The following SLC24A5 variants were observed in gnomAD, a reference collection of about 807,000 sequenced individuals.
SLC24A5 encodes solute carrier family 24 member 5, also known as sodium/potassium/calcium exchanger 5.
In SLC24A5, 46 loss-of-function variants were observed where a neutral mutation model predicts 51.6. The observed-to-expected ratio is 0.89, with a 90% CI of 0.70 to 1.14. The LOEUF is 1.14. Ranked by LOEUF, SLC24A5 falls within the 50% of genes most tolerant of loss-of-function variation. The pLI is 0.00. For synonymous variants in SLC24A5, 230 were observed against 214.9 expected, an observed-to-expected ratio of 1.07 and a Z score of -0.62; for missense variants, 581 against 604.1, an observed-to-expected ratio of 0.96 and a Z score of 0.40.
intron 2 of SLC24A5, among the ~76,000 whole-genome samples, chr15:48,128,340 G>A (rs900174359): frequency 3.9e-5 from 6 of 151,924 alleles, no homozygotes; most frequent in East Asian, 1.9e-4. Flanking sequence ...TGATACCTTC[G>A]AATTATAACA....
chr15:48,141,184 A>G lies in SLC24A5; in HGVS notation c.1150A>G (p.Thr384Ala). ...LLAAGTSIPDTIASVLVARKG... is the reference protein window; with the variant it reads ...LLAAGTSIPDAIASVLVARKG... ...AGCAGCAGGAACAAGCATACCAGAC[A>G]CAATTGCAAGTGTGTTGGTTGCAAG... The change falls in exon 8 of 9, where the codon ACA becomes GCA. Residue 384 changes from threonine to alanine, a missense_variant. By Grantham distance (58) the Thr-to-Ala change is moderately conservative. Coordinates refer to ENST00000341459, the MANE Select transcript of SLC24A5 (RefSeq NM_205850.3). 1 of 1,613,932 alleles carries G rather than the reference A, an allele frequency of 6.2e-7. No individual in the cohort carries two copies. The highest frequency in any genetic ancestry group is 8.5e-7 in the Non-Finnish European group (1 of 1,179,822).
chr15:48,142,568 CTA>C lies in SLC24A5; in HGVS notation c.*219_*220del, dbSNP rs2039129004. 6.4e-6 allele frequency: 3 copies of C among 469,710 alleles called. No individual in the cohort carries two copies. The highest frequency in any genetic ancestry group is 3.7e-6 in the Non-Finnish European group (1 of 273,288). 29.1% of individuals were successfully genotyped at this position (469,710 alleles called of 1,614,324 possible). A position where few individuals can be genotyped will look rare whatever the true frequency, so the allele number is the denominator to read the frequency against. On this transcript the variant is annotated 3_prime_UTR_variant, in exon 9 of 9. Transcript: ENST00000341459. ...AAACAGAAGTTTGGGGGGAAAAAAT[CTA>C]TGTTTTACCATACAATAAGTTGACA... is the stretch of plus-strand genomic sequence containing the variant.
At chr15:48,134,612 G>A in intron 4 of SLC24A5, 74 bp downstream of exon 4, 1 of 1,123,856 alleles carries the variant, frequency 8.9e-7, no homozygotes, top group Non-Finnish European at 1.3e-6. Context: ...CGTCTGGGAT[G>A]GACAACAGGG....
At chr15:48,122,157 C>G in intron 2 of SLC24A5, 121 bp downstream of exon 2, 1 of 1,030,254 alleles carries the variant, frequency 9.7e-7, no homozygotes. Context: ...GCACCAGCTT[C>G]TTGTTGTGGG....
chr15:48,125,904 C>T (rs1306185364), intron 2 of SLC24A5, among the ~76,000 whole-genome samples: 3 of 152,136 alleles, frequency 2.0e-5, no homozygotes, highest in Non-Finnish European at 4.4e-5. Context: ...CACCCCAGCC[C>T]CACTCACTCC....
Position 48,121,937 on chromosome 15 carries a change from G to C in SLC24A5, c.202G>C (p.Gly68Arg). The C allele has an allele frequency of 6.2e-7, 1 of 1,614,144 alleles. No homozygotes were observed. The highest frequency in any genetic ancestry group is 2.2e-5 in the East Asian group (1 of 44,878). ...FFTRQERRDG[G>R]IIIYFLIIVY... Reference sequence around the variant, plus strand: ...CACGAGACAGGAGCGCAGAGATGGAGGCATCATAATCTATTTCCTAATTAT... The same window carrying C: ...CACGAGACAGGAGCGCAGAGATGGACGCATCATAATCTATTTCCTAATTAT... Residue 68 changes from glycine (G) to arginine (R), a missense_variant, in exon 2 of 9, where the codon GGC (glycine) becomes CGC (arginine). Physicochemically the swap from Gly to Arg is moderately radical, Grantham distance 125. Coordinates refer to ENST00000341459, the MANE Select transcript of SLC24A5 (RefSeq NM_205850.3).
rs2039110164 is a variant in SLC24A5 at position 48,142,087 on chromosome 15, C to A, written c.1239C>A (p.Cys413Ter). Residue 413 changes from cysteine (C) to a stop codon, truncating the protein, a stop_gained, in exon 9 of 9, where the codon TGC (cysteine) becomes TGA (stop). Transcript: ENST00000341459. LOFTEE classifies it high-confidence loss of function. ...IVGSNVFDMLCLGIPWFIKTA... is the reference protein window; with the variant it reads ...IVGSNVFDML ...GATCCAATGTGTTTGATATGTTGTG[C>A]CTTGGTATTCCATGGTTTATTAAAA... The A allele has an allele frequency of 1.9e-6, 3 of 1,613,626 alleles. No homozygotes were observed.
chr15:48,142,357 T>C lies in SLC24A5; in HGVS notation c.*6T>C, dbSNP rs369254442. On this transcript the variant is annotated 3_prime_UTR_variant, in exon 9 of 9. Coordinates refer to ENST00000341459, the MANE Select transcript of SLC24A5 (RefSeq NM_205850.3). The stretch of plus-strand genomic sequence containing the variant: ...TAAGGGGCTGTGGAGGTTGATATTA[T>C]TAATAGTGTTATGCAGAAAATATGA... 1.3e-6 allele frequency: 2 copies of C among 1,551,842 alleles called. No homozygotes were observed. Among genetic ancestry groups the C allele is most frequent in the Non-Finnish European group, 1.8e-6 (2 of 1,140,940 alleles).
At chr15:48,125,251 T>C (rs1025737536) in intron 2 of SLC24A5, among the ~76,000 whole-genome samples, 1 of 149,894 alleles carries the variant, frequency 6.7e-6, no homozygotes, top group African/African-American at 2.4e-5. Context: ...GAAAGATATA[T>C]ATCTTATAAT....
chr15:48,140,400 A>G (rs2039027941), intron 7 of SLC24A5: 1 of 152,118 alleles, frequency 6.6e-6, no homozygotes, highest in Non-Finnish European at 1.5e-5. Context: ...GAAAAAAAAG[A>G]CGCTAAACCA....
intron 5 of SLC24A5, chr15:48,135,726 A>T (rs1017847736): frequency 6.6e-6 from 1 of 152,076 alleles, no homozygotes; most frequent in African/African-American, 2.4e-5. Flanking sequence ...AAAAAAATGT[A>T]ATGGTGTCCA....
chr15:48,131,055 T>G (rs1403946289), intron 2 of SLC24A5, among the ~76,000 whole-genome samples: 1 of 152,156 alleles, frequency 6.6e-6, no homozygotes, highest in Non-Finnish European at 1.5e-5. Flanking sequence ...TATTTCATGA[T>G]AGTTGATATT....
chr15:48,142,162 A>G lies in SLC24A5; in HGVS notation c.1314A>G (p.Leu438=), dbSNP rs1199581425. ...SAPAEVNSRG[L]TYITISLNIS... The stretch of plus-strand genomic sequence containing the variant: ...CTGCAGAAGTAAACAGCAGAGGACT[A>G]ACTTACATAACCATCTCTCTCAACA... The change falls in exon 9 of 9, where the codon CTA becomes CTG. Residue 438 remains leucine (L), a synonymous_variant. Coordinates refer to ENST00000341459, the MANE Select transcript of SLC24A5 (RefSeq NM_205850.3). 4 of 1,613,780 alleles carry G rather than the reference A, an allele frequency of 2.5e-6. No individual in the cohort carries two copies. Among genetic ancestry groups the G allele is most frequent in the Non-Finnish European group, 2.5e-6 (3 of 1,179,910 alleles).
chr15:48,131,291 T>C (rs1460127348), intron 2 of SLC24A5, among the ~76,000 whole-genome samples: 3 of 152,118 alleles, frequency 2.0e-5, no homozygotes, highest in Admixed American at 6.6e-5. Flanking sequence ...TGCATGTATA[T>C]GTGTATATGT....
chr15:48,126,219 G>A (rs1324049846), intron 2 of SLC24A5, among the ~76,000 whole-genome samples: 3 of 151,836 alleles, frequency 2.0e-5, no homozygotes, highest in Admixed American at 1.3e-4. Context: ...CTCTACCCTC[G>A]AACACTGGAA....
At chr15:48,140,836 G>T (rs534327604) in intron 7 of SLC24A5, 2 of 325,406 alleles carry the variant, frequency 6.1e-6, no homozygotes, top group African/African-American at 2.1e-5. Flanking sequence ...AACATCTTTT[G>T]TAAGAATATC....
chr15:48,135,016 T>TA (rs746057610), intron 5 of SLC24A5, 32 bp downstream of exon 5: 1 of 1,521,724 alleles, frequency 6.6e-7, no homozygotes, highest in Non-Finnish European at 9.0e-7. Flanking sequence ...ATGTAAAAAT[T>TA]AGAGATTTTA....
At chr15:48,134,090 G>A (rs1383248273) in intron 2 of SLC24A5, among the ~76,000 whole-genome samples, 168 bp from the exon 3 acceptor site, 1 of 152,042 alleles carries the variant, frequency 6.6e-6, no homozygotes, top group East Asian at 1.9e-4. Context: ...ATTAAGTAAT[G>A]AAGTCATAAA....
In SLC24A5 at chr15:48,142,013, T is replaced by G. The variant is rs1285912870; in HGVS notation, c.1181-16T>G. 6.3e-7 allele frequency: 1 copy of G among 1,578,408 alleles called. No individual in the cohort carries two copies. Among genetic ancestry groups the G allele is most frequent in the African/African-American group, 1.4e-5 (1 of 73,802 alleles). The stretch of plus-strand genomic sequence containing the variant: ...TATTGGTAAGCACATTTTAACAGTA[T>G]GCTTTTCTTTTGTAGGGAAAGGAGA... On this transcript the variant is annotated splice_polypyrimidine_tract_variant and intron_variant, in intron 8 of 8. Coordinates refer to ENST00000341459, the MANE Select transcript of SLC24A5 (RefSeq NM_205850.3).
Sources: allele counts gnomAD v4.1 joint callset (sites outside exome capture counted in the v4.1 genomes callset), GRCh38; gene constraint gnomAD v4.1.1; transcripts MANE v1.5; gene names NCBI Gene and HGNC (gene_info 2026-07-23, HGNC 2026-07-21).